NFKB1: variants seen among roughly 807,000 people sequenced by gnomAD.
The protein encoded by NFKB1 is nuclear factor NF-kappa-B p105 subunit.
NFKB1 carries 9 observed loss-of-function variants against 105.1 expected under a neutral mutation model. The ratio of observed to expected loss-of-function variants is 0.09; its 90% CI spans 0.05 to 0.15. The LOEUF is 0.15. Among genes scored for constraint, NFKB1 ranks in the 10% least tolerant of loss-of-function variants. The pLI, the probability that NFKB1 is intolerant of heterozygous loss-of-function variation, is 1.00. For synonymous variants in NFKB1, 440 were observed against 442.2 expected, an observed-to-expected ratio of 1.00 and a Z score of 0.06; for missense variants, 830 against 1,203.7, an observed-to-expected ratio of 0.69 and a Z score of 4.59.
At chr4:102,539,236 C>CAAAAAAAAAAAAAAAAAAAAAAAAA (rs550342036) in intron 5 of NFKB1, among the ~76,000 whole-genome samples, 1 of 95,646 alleles carries the variant, frequency 1.0e-5, no homozygotes, top group African/African-American at 3.8e-5. Flanking sequence ...GACTCTGTCT[C>CAAAAAAAAAAAAAAAAAAAAAAAAA]AAAAAAAAAA....
chr4:102,586,762 G>A (rs1393634964), intron 11 of NFKB1, among the ~76,000 whole-genome samples: 1 of 152,200 alleles, frequency 6.6e-6, no homozygotes, highest in Non-Finnish European at 1.5e-5. Flanking sequence ...ACTGGGAAGG[G>A]AGGTCAGTAA....
In NFKB1 at chr4:102,541,284, C is replaced by T. The variant is rs553108919; in HGVS notation, c.258+3328C>T. 3.6e-4 allele frequency among the ~76,000 whole-genome samples: 55 copies of T among 152,242 alleles called. 1 individual carries two copies. Among genetic ancestry groups the T allele is most frequent in the African/African-American group, 1.3e-3 (53 of 41,544 alleles). ...AATCAACCTTAACCTTACCCATTTGCATACTTTTCTACTATAAAGTTGTCT... is the reference window on the plus strand; with the variant it reads ...AATCAACCTTAACCTTACCCATTTGTATACTTTTCTACTATAAAGTTGTCT... On this transcript the variant is annotated intron_variant, in intron 5 of 23. Transcript: ENST00000226574.
intron 20 of NFKB1, among the ~76,000 whole-genome samples, chr4:102,611,439 C>A (rs192007076): frequency 6.6e-6 from 1 of 152,216 alleles, no homozygotes; most frequent in Admixed American, 6.5e-5. Context: ...AGTGACCCCA[C>A]GCTCTCCTTA....
At chr4:102,558,939 TA>T (rs1723191553) in intron 5 of NFKB1, among the ~76,000 whole-genome samples, 1 of 152,112 alleles carries the variant, frequency 6.6e-6, no homozygotes, top group South Asian at 2.1e-4. Flanking sequence ...AGCAAGGGAT[TA>T]GGGGGTCAAA....
rs4647986 is a variant in NFKB1 at position 102,526,011 on chromosome 4, C to T, written c.39+454C>T. 1.3e-4 allele frequency among the ~76,000 whole-genome samples: 20 copies of T among 152,266 alleles called. No homozygotes were observed. The South Asian group carries it at 3.3e-3, about 25-fold the overall frequency. On this transcript the variant is annotated intron_variant, in intron 2 of 23. Coordinates refer to ENST00000226574, the MANE Select transcript of NFKB1 (RefSeq NM_003998.4). Reference sequence around the variant, plus strand: ...GGGAATCCTTGGCTTGTAGCTTTATCGCTCCAATCTCTTCCTCCATTGTCA... The same window carrying T: ...GGGAATCCTTGGCTTGTAGCTTTATTGCTCCAATCTCTTCCTCCATTGTCA...
At chr4:102,536,826 TC>T (rs1741670500) in intron 4 of NFKB1, among the ~76,000 whole-genome samples, 1 of 152,150 alleles carries the variant, frequency 6.6e-6, no homozygotes, top group African/African-American at 2.4e-5. Flanking sequence ...TATTTTCTTT[TC>T]ACCAAAAAGT....
intron 3 of NFKB1, among the ~76,000 whole-genome samples, chr4:102,533,024 C>G (rs1181445134): frequency 6.6e-6 from 1 of 152,108 alleles, no homozygotes; most frequent in Non-Finnish European, 1.5e-5. Context: ...CTCTAGTTTT[C>G]TTTGCGTTTT....
intron 2 of NFKB1, among the ~76,000 whole-genome samples, chr4:102,526,289 G>A (rs1412708310): frequency 6.6e-6 from 1 of 152,086 alleles, no homozygotes; most frequent in Non-Finnish European, 1.5e-5. Flanking sequence ...TTTATTTAAT[G>A]TGTACACATG....
At chr4:102,528,923 T>C (rs191006945) in intron 2 of NFKB1, among the ~76,000 whole-genome samples, 1 of 152,202 alleles carries the variant, frequency 6.6e-6, no homozygotes, top group Non-Finnish European at 1.5e-5. Flanking sequence ...CTTTCCTTCT[T>C]GCAGCTCTCA....
chr4:102,581,605 T>C (rs11097789), intron 9 of NFKB1, among the ~76,000 whole-genome samples: 42,171 of 151,970 alleles, frequency 0.28, 7,212 homozygotes, highest in East Asian at 0.43. Flanking sequence ...AGTGAGCTAT[T>C]ATCATGCTGC....
intron 6 of NFKB1, among the ~76,000 whole-genome samples, chr4:102,572,416 T>C (rs1322205412): frequency 1.3e-5 from 2 of 152,136 alleles, no homozygotes; most frequent in Admixed American, 1.3e-4. Context: ...ACATGGCACG[T>C]GTATACATAT....
rs1727746990 is a variant in NFKB1 at position 102,606,543 on chromosome 4, G to A, written c.1800G>A (p.Glu600=). 1 of 1,614,188 alleles carries A rather than the reference G, an allele frequency of 6.2e-7. No individual in the cohort carries two copies. Among genetic ancestry groups the A allele is most frequent in the African/African-American group, 1.3e-5 (1 of 75,046 alleles). ...AVITKQEDVV[E]DLLRAGADLS... ...TCACTAAGCAGGAAGATGTGGTGGA[G>A]GATTTGCTGAGGGCTGGGGCCGACC... The change falls in exon 17 of 24, where the codon GAG becomes GAA. Residue 600 remains glutamate, a synonymous_variant. Coordinates refer to ENST00000226574, the MANE Select transcript of NFKB1 (RefSeq NM_003998.4).
chr4:102,591,310 C>G (rs1039219836), intron 11 of NFKB1, among the ~76,000 whole-genome samples: 1 of 151,212 alleles, frequency 6.6e-6, no homozygotes, highest in Non-Finnish European at 1.5e-5. Context: ...CAGGCTGACT[C>G]TCAGGAGGTT....
intron 6 of NFKB1, among the ~76,000 whole-genome samples, chr4:102,574,503 G>A (rs1428706452): frequency 3.3e-5 from 5 of 152,022 alleles, no homozygotes; most frequent in South Asian, 2.1e-4. Flanking sequence ...CTTCCTTTCC[G>A]GTACTCTGCT....
At chr4:102,583,304 T>A (rs1366047666) in intron 10 of NFKB1, among the ~76,000 whole-genome samples, 1 of 152,170 alleles carries the variant, frequency 6.6e-6, no homozygotes, top group Non-Finnish European at 1.5e-5. Context: ...ACTTTCTGCC[T>A]TATTGAAATT....
chr4:102,533,664 G>T (rs899834291), intron 3 of NFKB1, among the ~76,000 whole-genome samples, 181 bp from the exon 4 acceptor site: 1 of 152,044 alleles, frequency 6.6e-6, no homozygotes, highest in Non-Finnish European at 1.5e-5. Flanking sequence ...TTAAAATAAG[G>T]GTTAATTTAA....
intron 1 of NFKB1, among the ~76,000 whole-genome samples, chr4:102,518,900 G>A (rs1740381170): frequency 6.6e-6 from 1 of 152,166 alleles, no homozygotes; most frequent in Admixed American, 6.5e-5. Context: ...AAGCAAGAAT[G>A]ATCATTGCAA....
At chr4:102,510,902 A>G in intron 1 of NFKB1, 1 of 1,281,952 alleles carries the variant, frequency 7.8e-7, no homozygotes, top group South Asian at 1.3e-5. Flanking sequence ...GTCCTACATC[A>G]AGAAAAAAGA....
intron 3 of NFKB1, among the ~76,000 whole-genome samples, chr4:102,532,227 A>G (rs79958823): frequency 0.023 from 3,464 of 152,078 alleles, 61 homozygotes; most frequent in African/African-American, 0.058. Flanking sequence ...TTCATTTTTC[A>G]ACTCGCTTCC....
Sources: gnomAD v4.1 joint callset for allele counts (sites outside exome capture counted in the v4.1 genomes callset) on GRCh38, gnomAD v4.1.1 for gene constraint, MANE v1.5 for transcripts, NCBI Gene and HGNC (gene_info 2026-07-23, HGNC 2026-07-21) for gene names.